Variants in WDR33 observed in about 807,000 individuals in gnomAD.
WDR33 encodes WD repeat domain 33, also known as pre-mRNA 3' end processing protein WDR33.
In WDR33, 47 loss-of-function variants were observed where a neutral mutation model predicts 164.9. That is an observed-to-expected ratio of 0.29 (90% CI 0.23 to 0.36). WDR33 has a LOEUF of 0.36. Among genes scored for constraint, WDR33 ranks in the 10% least tolerant of loss-of-function variants. The probability of loss-of-function intolerance (pLI) is 1.00; values close to 1 mark genes in which losing one functional copy is unlikely to be tolerated. For missense variants in WDR33, 1,137 were observed against 1,754.1 expected, an observed-to-expected ratio of 0.65 and a Z score of 6.28; for synonymous variants, 505 against 589.0, an observed-to-expected ratio of 0.86 and a Z score of 2.06.
In WDR33 at chr2:127,738,843, A is replaced by C. The variant is rs569137233; in HGVS notation, c.725-12066T>G. On this transcript the variant is annotated intron_variant, in intron 7 of 21. Transcript: ENST00000322313. The surrounding 1 kb of genome is among the most constrained non-coding windows in gnomAD (Gnocchi z 4.4). ...CCCGCAAGCAGTCACTCTGTAAATA[A>C]TTTTCTTGATTAAAATGAAGAGGAG... 1.3e-5 allele frequency among the ~76,000 whole-genome samples: 2 copies of C among 152,302 alleles called. No individual in the cohort carries two copies. Among genetic ancestry groups the C allele is most frequent in the Non-Finnish European group, 2.9e-5 (2 of 68,012 alleles).
Position 127,709,842 on chromosome 2 carries a change from G to A in WDR33, c.3323C>T (p.Ala1108Val). The A allele has an allele frequency of 6.2e-7, 1 of 1,614,058 alleles. No individual in the cohort carries two copies. Among genetic ancestry groups the A allele is most frequent in the Non-Finnish European group, 8.5e-7 (1 of 1,179,996 alleles). Residue 1108 changes from alanine to valine, a missense_variant, in exon 19 of 22, where the codon GCC becomes GTC. By Grantham distance (64) the Ala-to-Val change is moderately conservative. Coordinates refer to ENST00000322313, the MANE Select transcript of WDR33 (RefSeq NM_018383.5). The surrounding 1 kb of genome is among the most constrained non-coding windows in gnomAD (Gnocchi z 5.0). Reference sequence around the variant, plus strand: ...AGCACGGCCCTCATGCCTCGGCGGGGCTCCTCTTCTGAAACTGTAAAGAGA... The same window carrying A: ...AGCACGGCCCTCATGCCTCGGCGGGACTCCTCTTCTGAAACTGTAAAGAGA... ...GRREESFRRGAPPRHEGRAPP... is the reference protein window; with the variant it reads ...GRREESFRRGVPPRHEGRAPP...
In WDR33 at chr2:127,722,783, T is replaced by C. The variant is rs1558924531; in HGVS notation, c.1379-53A>G. The C allele has an allele frequency of 6.3e-7, 1 of 1,581,586 alleles. No homozygotes were observed. Among genetic ancestry groups the C allele is most frequent in the Non-Finnish European group, 8.6e-7 (1 of 1,159,776 alleles). On this transcript the variant is annotated intron_variant, in intron 13 of 21. Transcript: ENST00000322313. The surrounding 1 kb of genome is among the most constrained non-coding windows in gnomAD (Gnocchi z 5.1). Reference sequence around the variant, plus strand: ...CTCTTAAATAAAAGAAATTGGCCACTTGATCAATGAACACATTATTGGAAG... The same window carrying C: ...CTCTTAAATAAAAGAAATTGGCCACCTGATCAATGAACACATTATTGGAAG...
intron 1 of WDR33, among the ~76,000 whole-genome samples, chr2:127,787,519 G>A (rs1325610266): frequency 4.5e-5 from 6 of 133,160 alleles, no homozygotes; most frequent in African/African-American, 9.4e-5. Context: ...CGGACGGGGC[G>A]GCTGGCCGGT....
chr2:127,711,039 A>C (rs1166221724), intron 18 of WDR33, among the ~76,000 whole-genome samples: 1 of 152,214 alleles, frequency 6.6e-6, no homozygotes, highest in African/African-American at 2.4e-5. Context: ...TCTAAGAACA[A>C]GAACTTTCTC....
intron 7 of WDR33, among the ~76,000 whole-genome samples, chr2:127,746,114 T>C (rs1342262100): frequency 2.0e-5 from 3 of 151,368 alleles, no homozygotes; most frequent in Non-Finnish European, 2.9e-5. Context: ...GTGTGAAGGA[T>C]TGCCTTCTGG....
At chr2:127,794,192 TAAGCAAGC>T (rs57485325) in intron 1 of WDR33, among the ~76,000 whole-genome samples, 2 of 151,584 alleles carry the variant, frequency 1.3e-5, no homozygotes, top group East Asian at 2.0e-4. Context: ...AGAAAGAAAG[TAAGCAAGC>T]AAGCAAGAAA....
chr2:127,741,109 G>C lies in WDR33; in HGVS notation c.725-14332C>G, dbSNP rs943507892. On this transcript the variant is annotated intron_variant, in intron 7 of 21. Coordinates refer to ENST00000322313, the MANE Select transcript of WDR33 (RefSeq NM_018383.5). This position sits in a 1 kb window ranked among gnomAD's most constrained non-coding sequence, Gnocchi z 4.1. Reference sequence around the variant, plus strand: ...GAGACTTGTCCAGGTTGTCCCTCCTGACTTCCTGTTTCTGTAGAACAGATG... The same window carrying C: ...GAGACTTGTCCAGGTTGTCCCTCCTCACTTCCTGTTTCTGTAGAACAGATG... 6.6e-6 allele frequency among the ~76,000 whole-genome samples: 1 copy of C among 152,188 alleles called. No individual in the cohort carries two copies. Among genetic ancestry groups the C allele is most frequent in the Non-Finnish European group, 1.5e-5 (1 of 68,024 alleles).
intron 1 of WDR33, among the ~76,000 whole-genome samples, chr2:127,784,827 G>A (rs549960245): frequency 3.9e-4 from 60 of 152,276 alleles, no homozygotes; most frequent in Non-Finnish European, 4.1e-4. Flanking sequence ...AGAGAATTAC[G>A]TATATCATCC....
rs542291053 is a variant in WDR33, at chr2:127,795,201, A to G, written c.-24+15811T>C. Among the ~76,000 whole-genome samples, 6 of 150,280 alleles carry G rather than the reference A, an allele frequency of 4.0e-5. No individual in the cohort carries two copies. The South Asian group carries it at 1.3e-3, about 32-fold the overall frequency. On this transcript the variant is annotated intron_variant, in intron 1 of 21. Coordinates refer to ENST00000322313, the MANE Select transcript of WDR33 (RefSeq NM_018383.5). ...CTGCAACCTCTGCCTCTCGGGTTCA[A>G]GCAATTCTCCTGCCTCAGCCTCCTG...
At chr2:127,749,282 T>C (rs1167032635) in intron 7 of WDR33, among the ~76,000 whole-genome samples, 2 of 152,188 alleles carry the variant, frequency 1.3e-5, no homozygotes, top group Admixed American at 6.5e-5. Context: ...TCCAGTGAGT[T>C]GTGATCGTGC....
intron 1 of WDR33, among the ~76,000 whole-genome samples, chr2:127,773,413 TAAC>T (rs10650957): frequency 6.6e-6 from 1 of 151,676 alleles, no homozygotes; most frequent in Non-Finnish European, 1.5e-5. Flanking sequence ...TGAATAATAA[TAAC>T]AACAAGGAGG....
chr2:127,706,345 C>T lies in WDR33; in HGVS notation c.3989G>A (p.Arg1330Gln), dbSNP rs753197270. The T allele has an allele frequency of 6.3e-6, 10 of 1,584,110 alleles. No homozygotes were observed. Among genetic ancestry groups the T allele is most frequent in the South Asian group, 4.7e-5 (4 of 85,608 alleles). The change falls in exon 22 of 22, where the codon CGG (arginine) becomes CAG (glutamine). Residue 1330 changes from arginine (R) to glutamine (Q), a missense_variant. Coordinates refer to ENST00000322313, the MANE Select transcript of WDR33 (RefSeq NM_018383.5). The surrounding 1 kb of genome is among the most constrained non-coding windows in gnomAD (Gnocchi z 5.1). The stretch of plus-strand genomic sequence containing the variant: ...CTTCTACCGACCCCTTCCACCACCC[C>T]GTGAAGCTCCTCGCCTCGGCGGGCC... ...NSGPPRRGAS[R>Q]GGGRGR
intron 2 of WDR33, 33 bp from the exon 3 acceptor site, chr2:127,769,034 T>TAAATAAAC: frequency 8.0e-7 from 1 of 1,252,120 alleles, no homozygotes; most frequent in Non-Finnish European, 1.0e-6. Flanking sequence ...AATAAATAAA[T>TAAATAAAC]AAATAGATCA....
chr2:127,727,560 C>T (rs1385984796), intron 7 of WDR33, among the ~76,000 whole-genome samples: 1 of 151,854 alleles, frequency 6.6e-6, no homozygotes, highest in Non-Finnish European at 1.5e-5. Flanking sequence ...AGTCCCTGAG[C>T]CTGGTCCATG....
Position 127,769,005 on chromosome 2 carries a change from T to TTAAATAAATAAATAAATAAA in WDR33, c.205-24_205-5dup, listed in dbSNP as rs143186338. 44 of 911,882 alleles carry TTAAATAAATAAATAAATAAA rather than the reference T, an allele frequency of 4.8e-5. No individual in the cohort carries two copies. Among genetic ancestry groups the TTAAATAAATAAATAAATAAA allele is most frequent in the African/African-American group, 2.1e-4 (12 of 57,326 alleles). The allele number at this position is 911,882 out of a possible 1,614,324, so 56.5% of individuals were successfully genotyped here. A position where few individuals can be genotyped will look rare whatever the true frequency, so the allele number is the denominator to read the frequency against. On this transcript the variant is annotated splice_region_variant and splice_polypyrimidine_tract_variant and intron_variant, in intron 2 of 21. Coordinates refer to ENST00000322313, the MANE Select transcript of WDR33 (RefSeq NM_018383.5). ...GGTCTCTTTGCCATATTCTGTTCTG[T>TTAAATAAATAAATAAATAAA]TAAATAAATAAATAAATAAATAAAT...
At position 127,758,775 on chromosome 2, in the gene WDR33, C is replaced by T. The variant is rs192268473; in HGVS notation, c.724+4287G>A. Among the ~76,000 whole-genome samples, 5 of 152,306 alleles carry T rather than the reference C, an allele frequency of 3.3e-5. No homozygotes were observed. In the East Asian group the frequency reaches 9.6e-4, roughly 29 times the overall value. On this transcript the variant is annotated intron_variant, in intron 7 of 21. Coordinates refer to ENST00000322313, the MANE Select transcript of WDR33 (RefSeq NM_018383.5). Reference sequence around the variant, plus strand: ...GCTTCCATATGCCCATAAAACTACACTTCTAGCACTCACACAGCTCTCCCC... The same window carrying T: ...GCTTCCATATGCCCATAAAACTACATTTCTAGCACTCACACAGCTCTCCCC...
chr2:127,764,411 T>C lies in WDR33; in HGVS notation c.626+417A>G. ...AACCAGGTCTTCACTTAAGCCTTTT[T>C]CCACTTTGTGTGAATTCTGAAGTTG... On this transcript the variant is annotated intron_variant, in intron 6 of 21. Transcript: ENST00000322313. This position sits in a 1 kb window ranked among gnomAD's most constrained non-coding sequence, Gnocchi z 6.2. 6.9e-7 allele frequency: 1 copy of C among 1,446,598 alleles called. No individual in the cohort carries two copies. The highest frequency in any genetic ancestry group is 9.1e-7 in the Non-Finnish European group (1 of 1,102,750). 89.6% of individuals were successfully genotyped at this position (1,446,598 alleles called of 1,614,324 possible). A position where few individuals can be genotyped will look rare whatever the true frequency, so the allele number is the denominator to read the frequency against.
intron 1 of WDR33, among the ~76,000 whole-genome samples, chr2:127,773,404 G>GAAT (rs554341623): frequency 2.5e-3 from 342 of 134,670 alleles, no homozygotes; most frequent in Non-Finnish European, 3.7e-3. Context: ...CATTAAATTT[G>GAAT]AATAATAATA....
chr2:127,724,181 C>A lies in WDR33; in HGVS notation c.1196+152G>T. The A allele has an allele frequency of 1.7e-6, 1 of 586,392 alleles. No individual in the cohort carries two copies. The highest frequency in any genetic ancestry group is 2.8e-6 in the Non-Finnish European group (1 of 355,264). The allele number at this position is 586,392 out of a possible 1,614,324, so 36.3% of individuals were successfully genotyped here. A position where few individuals can be genotyped will look rare whatever the true frequency, so the allele number is the denominator to read the frequency against. ...TATTCAATACCCAATCTCTTTATTG[C>A]AATATAAGTATTTGTAAACCACTAC... On this transcript the variant is annotated intron_variant, in intron 11 of 21. Coordinates refer to ENST00000322313, the MANE Select transcript of WDR33 (RefSeq NM_018383.5). The surrounding 1 kb of genome is among the most constrained non-coding windows in gnomAD (Gnocchi z 4.8).
Sources: allele counts gnomAD v4.1 joint callset (sites outside exome capture counted in the v4.1 genomes callset), GRCh38; gene constraint gnomAD v4.1.1; non-coding constraint Gnocchi (gnomAD v3.1); transcripts MANE v1.5; gene names NCBI Gene and HGNC (gene_info 2026-07-23, HGNC 2026-07-21).